Variants in NALF1 observed in about 807,000 individuals in gnomAD.
The protein encoded by NALF1 is family with sequence similarity 155 member A.
A neutral mutation model predicts 48.4 loss-of-function variants in NALF1; 3 were observed. The observed-to-expected ratio is 0.06, with a 90% confidence interval of 0.03 to 0.16. The LOEUF (loss-of-function observed/expected upper bound fraction) is 0.16. Among genes scored for constraint, NALF1 ranks in the 10% least tolerant of loss-of-function variants. The pLI, the probability that NALF1 is intolerant of heterozygous loss-of-function variation, is 1.00. For missense variants in NALF1, 526 were observed against 571.5 expected (o/e 0.92, Z 0.81); for synonymous variants, 262 against 245.7 (o/e 1.07, Z -0.62).
intron 1 of NALF1, among the ~76,000 whole-genome samples, chr13:107,851,784 T>C (rs1439289929): frequency 6.8e-6 from 1 of 147,954 alleles, no homozygotes; most frequent in Non-Finnish European, 1.5e-5. Flanking sequence ...GCTTTTGGAT[T>C]AAGGGCTTTA....
At chr13:107,783,581 C>T (rs972620748) in intron 1 of NALF1, among the ~76,000 whole-genome samples, 1 of 152,190 alleles carries the variant, frequency 6.6e-6, no homozygotes, top group African/African-American at 2.4e-5. Flanking sequence ...CTTGTGCTCT[C>T]TGAAACATGT....
At chr13:107,405,608 A>T (rs781221189) in intron 1 of NALF1, among the ~76,000 whole-genome samples, 2 of 151,996 alleles carry the variant, frequency 1.3e-5, no homozygotes, top group Non-Finnish European at 2.9e-5. Context: ...AGAACTCCAG[A>T]CCCTTGGGAA....
intron 1 of NALF1, among the ~76,000 whole-genome samples, chr13:107,720,765 C>T (rs1875959547): frequency 6.6e-6 from 1 of 152,134 alleles, no homozygotes; most frequent in African/African-American, 2.4e-5. Context: ...CTTTTACTGA[C>T]CGATCACTTT....
At chr13:107,746,330 G>A (rs1030744675) in intron 1 of NALF1, among the ~76,000 whole-genome samples, 10 of 152,118 alleles carry the variant, frequency 6.6e-5, no homozygotes, top group South Asian at 2.1e-4. Context: ...TCATAGCAGC[G>A]TGAGAATAAA....
chr13:107,659,359 T>C (rs1015105843), intron 1 of NALF1, among the ~76,000 whole-genome samples: 2 of 152,210 alleles, frequency 1.3e-5, no homozygotes, highest in Non-Finnish European at 2.9e-5. Context: ...GAGTGTCTTC[T>C]ATCTTTGTCT....
intron 1 of NALF1, among the ~76,000 whole-genome samples, chr13:107,252,216 TCA>T (rs1256495656): frequency 6.6e-6 from 1 of 152,162 alleles, no homozygotes; most frequent in Non-Finnish European, 1.5e-5. Flanking sequence ...TGTCAGTTTG[TCA>T]CAGTTTGCTG....
At chr13:107,469,733 C>CTTATTTTTTTTT (rs1885066205) in intron 1 of NALF1, among the ~76,000 whole-genome samples, 1 of 79,956 alleles carries the variant, frequency 1.3e-5, no homozygotes. Flanking sequence ...AACTGTGTAT[C>CTTATTTTTTTTT]TTTTTTTTTT....
intron 1 of NALF1, among the ~76,000 whole-genome samples, chr13:107,747,829 G>A (rs1486963275): frequency 1.3e-5 from 2 of 152,002 alleles, no homozygotes; most frequent in South Asian, 2.1e-4. Context: ...GTAAACACAC[G>A]CACACATGCA....
chr13:107,213,681 A>C (rs1879814688), intron 1 of NALF1, among the ~76,000 whole-genome samples: 1 of 152,314 alleles, frequency 6.6e-6, no homozygotes, highest in South Asian at 2.1e-4. Flanking sequence ...GAGGCAAAGC[A>C]TACAGCACAT....
chr13:107,373,643 C>T (rs1448471424), intron 1 of NALF1, among the ~76,000 whole-genome samples: 2 of 152,206 alleles, frequency 1.3e-5, no homozygotes, highest in East Asian at 1.9e-4. Context: ...AAAAGATACT[C>T]AGCACTCACG....
intron 1 of NALF1, among the ~76,000 whole-genome samples, chr13:107,752,336 T>C (rs1876962970): frequency 6.6e-6 from 1 of 152,244 alleles, no homozygotes; most frequent in Non-Finnish European, 1.5e-5. Flanking sequence ...TTTTGAAATT[T>C]TAAACTATTT....
intron 2 of NALF1, among the ~76,000 whole-genome samples, chr13:107,208,879 TTCCTCCCCC>T (rs1460747545): frequency 4.7e-4 from 71 of 152,068 alleles, no homozygotes; most frequent in Non-Finnish European, 4.4e-5. Flanking sequence ...TCTTCCCTCC[TTCCTCCCCC>T]TCCTCCCCCT....
intron 1 of NALF1, among the ~76,000 whole-genome samples, chr13:107,737,764 T>C (rs1482219292): frequency 6.6e-6 from 1 of 152,182 alleles, no homozygotes; most frequent in Non-Finnish European, 1.5e-5. Flanking sequence ...CTATAAACTG[T>C]TGAAAAATGA....
rs1163608325 is a variant in NALF1 at position 107,168,404 on chromosome 13, C to T, written c.*2093G>A. 1.3e-5 allele frequency: 2 copies of T among 152,142 alleles called. No individual in the cohort carries two copies. The highest frequency in any genetic ancestry group is 2.9e-5 in the Non-Finnish European group (2 of 68,030). The allele number at this position is 152,142 out of a possible 1,614,324, so 9.4% of individuals were successfully genotyped here. ...GCCATTCACTTCCTCAGCTTGTGTC[C>T]CCAGAAAAGCACCATGTTTCCATAC... On this transcript the variant is annotated 3_prime_UTR_variant, in exon 3 of 3. Coordinates refer to ENST00000375915, the MANE Select transcript of NALF1 (RefSeq NM_001080396.3).
rs894326729 is a variant in NALF1 at position 107,533,111 on chromosome 13, C to T, written c.916-322356G>A. On this transcript the variant is annotated intron_variant, in intron 1 of 2. Coordinates refer to ENST00000375915, the MANE Select transcript of NALF1 (RefSeq NM_001080396.3). ...ACTCATTCTACTAAAATTAATATCCCCACGAAAAGAGAGTTATAACCATAA... is the reference window on the plus strand; with the variant it reads ...ACTCATTCTACTAAAATTAATATCCTCACGAAAAGAGAGTTATAACCATAA... Among the ~76,000 whole-genome samples, 3 of 152,048 alleles carry T rather than the reference C, an allele frequency of 2.0e-5. No homozygotes were observed. The East Asian group carries it at 5.8e-4, about 29-fold the overall frequency.
At chr13:107,708,002 C>G (rs888458675) in intron 1 of NALF1, among the ~76,000 whole-genome samples, 9 of 151,994 alleles carry the variant, frequency 5.9e-5, no homozygotes, top group Admixed American at 3.3e-4. Flanking sequence ...CACCCCACCC[C>G]AATTGTTTGC....
chr13:107,558,250 G>A (rs971725039), intron 1 of NALF1, among the ~76,000 whole-genome samples: 1 of 151,660 alleles, frequency 6.6e-6, no homozygotes, highest in African/African-American at 2.4e-5. Flanking sequence ...TAGTGTTTGT[G>A]TTACCAATTA....
At chr13:107,803,378 G>C (rs944554842) in intron 1 of NALF1, among the ~76,000 whole-genome samples, 2 of 151,984 alleles carry the variant, frequency 1.3e-5, no homozygotes, top group South Asian at 2.1e-4. Flanking sequence ...ATATTAGTGA[G>C]AGCCAACTGG....
rs1296366794 is a variant in NALF1 at position 107,395,899 on chromosome 13, C to T, written c.916-185144G>A. ...GACCATCCTAATGATCTCGTTTTATCTTAATAACCTCTTTAGAGACCCTAT... is the reference window on the plus strand; with the variant it reads ...GACCATCCTAATGATCTCGTTTTATTTTAATAACCTCTTTAGAGACCCTAT... On this transcript the variant is annotated intron_variant, in intron 1 of 2. Transcript: ENST00000375915. 4.0e-5 allele frequency among the ~76,000 whole-genome samples: 6 copies of T among 151,602 alleles called. No individual in the cohort carries two copies. The East Asian group carries it at 9.8e-4, about 25-fold the overall frequency.
Sources: allele counts gnomAD v4.1 joint callset (sites outside exome capture counted in the v4.1 genomes callset), GRCh38; gene constraint gnomAD v4.1.1; transcripts MANE v1.5; gene names NCBI Gene and HGNC (gene_info 2026-07-23, HGNC 2026-07-21).